The following MYBPC1 variants were observed in gnomAD, a reference collection of about 807,000 sequenced individuals.
MYBPC1 encodes the protein myosin-binding protein C, slow-type.
Under a neutral mutation model 147.1 loss-of-function variants are expected in MYBPC1, and 52 were observed. The ratio of observed to expected loss-of-function variants is 0.35; its 90% CI spans 0.28 to 0.45. The LOEUF is 0.45. MYBPC1 is among the 20% of genes least tolerant of loss of function. MYBPC1 has a pLI of 1.00. For missense variants in MYBPC1, 1,228 were observed against 1,440.3 expected (o/e 0.85, Z 2.39); for synonymous variants, 477 against 475.9 (o/e 1.00, Z -0.03).
At chr12:101,650,073 C>T (rs147095210) in intron 15 of MYBPC1, among the ~76,000 whole-genome samples, 2 of 152,318 alleles carry the variant, frequency 1.3e-5, no homozygotes, top group East Asian at 3.9e-4. Context: ...AATCCCAATA[C>T]ATTCCTTATG....
In MYBPC1 at chr12:101,649,271, G is replaced by C. The variant is rs1281280904; in HGVS notation, c.1208G>C (p.Gly403Ala). ...TTATCTTAATTCAGGTTTAAGAATG[G>C]TGAAGAGATTATCCCTGGTCCAAAA... ...DDANVKWFKN[G>A]EEIIPGPKSR... is the part of the protein sequence containing the mutation. Residue 403 changes from glycine (G) to alanine (A), a missense_variant, in exon 15 of 32, where the codon GGT (glycine) becomes GCT (alanine). Physicochemically the swap from Gly to Ala is moderately conservative, Grantham distance 60. Coordinates refer to ENST00000361466, the MANE Select transcript of MYBPC1 (RefSeq NM_002465.4). 1 of 1,613,296 alleles carries C rather than the reference G, an allele frequency of 6.2e-7. No homozygotes were observed. Among genetic ancestry groups the C allele is most frequent in the Non-Finnish European group, 8.5e-7 (1 of 1,179,352 alleles).
chr12:101,669,964 AG>A, intron 23 of MYBPC1: 1 of 363,982 alleles, frequency 2.7e-6, no homozygotes, highest in Non-Finnish European at 5.1e-6. Context: ...AACTATGAAA[AG>A]TATGCATAGT....
chr12:101,682,143 C>G (rs926177567), intron 29 of MYBPC1, among the ~76,000 whole-genome samples: 1 of 151,834 alleles, frequency 6.6e-6, no homozygotes, highest in Non-Finnish European at 1.5e-5. Flanking sequence ...AAACTGCTAG[C>G]CTTATTAGTT....
chr12:101,599,605 T>C (rs1040649260), intron 1 of MYBPC1, among the ~76,000 whole-genome samples: 1 of 152,210 alleles, frequency 6.6e-6, no homozygotes, highest in African/African-American at 2.4e-5. Flanking sequence ...AATTTGTCTT[T>C]GGAAAGTCAT....
chr12:101,648,667 T>C (rs1301464700), intron 14 of MYBPC1, among the ~76,000 whole-genome samples: 1 of 152,200 alleles, frequency 6.6e-6, no homozygotes, highest in Non-Finnish European at 1.5e-5. Flanking sequence ...ATGTAACCCC[T>C]AGTCACTTTA....
chr12:101,614,544 A>G lies in MYBPC1; in HGVS notation c.61+13A>G. ...CCACCCCCGGAAGGTGAGTAAAAACACTCACTCACACACGTTTGGGCTGCA... is the reference window on the plus strand; with the variant it reads ...CCACCCCCGGAAGGTGAGTAAAAACGCTCACTCACACACGTTTGGGCTGCA... On this transcript the variant is annotated intron_variant, in intron 2 of 31. Coordinates refer to ENST00000361466, the MANE Select transcript of MYBPC1 (RefSeq NM_002465.4). 1.9e-6 allele frequency: 3 copies of G among 1,612,930 alleles called. No homozygotes were observed. Among genetic ancestry groups the G allele is most frequent in the Non-Finnish European group, 2.5e-6 (3 of 1,179,648 alleles).
At chr12:101,605,811 G>T (rs370093536) in intron 1 of MYBPC1, among the ~76,000 whole-genome samples, 2 of 152,034 alleles carry the variant, frequency 1.3e-5, no homozygotes, top group African/African-American at 2.4e-5. Context: ...GTACTGAGCC[G>T]AGATCATGCC....
At chr12:101,628,973 GAC>G in intron 5 of MYBPC1, 2 of 225,388 alleles carry the variant, frequency 8.9e-6, no homozygotes, top group South Asian at 7.3e-5. Flanking sequence ...TTGGCTTTCT[GAC>G]CCTTGTCAGA....
intron 18 of MYBPC1, among the ~76,000 whole-genome samples, chr12:101,654,037 C>G (rs1213524958): frequency 1.3e-5 from 2 of 152,102 alleles, no homozygotes; most frequent in Non-Finnish European, 1.5e-5. Flanking sequence ...AACCCCATCT[C>G]TACTAAAAAT....
chr12:101,596,942 T>A (rs906538439), intron 1 of MYBPC1, among the ~76,000 whole-genome samples: 1 of 152,204 alleles, frequency 6.6e-6, no homozygotes, highest in Non-Finnish European at 1.5e-5. Flanking sequence ...ATGATGGGGA[T>A]TGGGGCAAGA....
At chr12:101,639,588 A>T (rs1891633933) in intron 10 of MYBPC1, among the ~76,000 whole-genome samples, 1 of 152,194 alleles carries the variant, frequency 6.6e-6, no homozygotes, top group South Asian at 2.1e-4. Context: ...ATGTGATAAG[A>T]GTGGAGAGTA....
intron 26 of MYBPC1, among the ~76,000 whole-genome samples, chr12:101,675,918 A>G (rs1020921464): frequency 6.6e-6 from 1 of 152,250 alleles, no homozygotes; most frequent in Non-Finnish European, 1.5e-5. Flanking sequence ...GTTAGAACAG[A>G]AAGATTCTAC....
chr12:101,611,210 A>T (rs759137696), intron 1 of MYBPC1, among the ~76,000 whole-genome samples: 1 of 152,228 alleles, frequency 6.6e-6, no homozygotes. Context: ...CTAATATCCT[A>T]TAATGTTTCT....
At chr12:101,637,470 T>C (rs1891229379) in intron 10 of MYBPC1, among the ~76,000 whole-genome samples, 1 of 152,114 alleles carries the variant, frequency 6.6e-6, no homozygotes, top group African/African-American at 2.4e-5. Flanking sequence ...ATATACTATA[T>C]TATATGCCTG....
intron 7 of MYBPC1, 38 bp downstream of exon 7, chr12:101,631,757 C>A: frequency 6.2e-7 from 1 of 1,612,880 alleles, no homozygotes; most frequent in Non-Finnish European, 8.5e-7. Context: ...GCTCAGCTAG[C>A]GCATTCCTTC....
chr12:101,631,898 A>G (rs956308025), intron 7 of MYBPC1, 123 bp from the exon 8 acceptor site: 2 of 1,274,456 alleles, frequency 1.6e-6, no homozygotes, highest in Non-Finnish European at 1.1e-6. Flanking sequence ...TACAGGACAC[A>G]TTTGCCCTCC....
At chr12:101,619,066 C>T (rs1886806687) in intron 3 of MYBPC1, among the ~76,000 whole-genome samples, 2 of 151,922 alleles carry the variant, frequency 1.3e-5, no homozygotes, top group African/African-American at 4.8e-5. Context: ...AGAGAAAATA[C>T]CTATGCAAAA....
Position 101,636,722 on chromosome 12 carries a change from A to G in MYBPC1, c.659A>G (p.Lys220Arg), listed in dbSNP as rs1443926749. ...GAACTTGACTTTAGTGGTCTCCTGAAACGTAGGTGAGAACAAAGTGATGGA... is the reference window on the plus strand; with the variant it reads ...GAACTTGACTTTAGTGGTCTCCTGAGACGTAGGTGAGAACAAAGTGATGGA... ...AGELDFSGLL[K>R]RREVKQQEEE... The change falls in exon 10 of 32, where the codon AAA becomes AGA. Residue 220 changes from lysine to arginine, a missense_variant. Physicochemically the swap from Lys to Arg is conservative, Grantham distance 26. Coordinates refer to ENST00000361466, the MANE Select transcript of MYBPC1 (RefSeq NM_002465.4). 1 of 1,613,382 alleles carries G rather than the reference A, an allele frequency of 6.2e-7. No homozygotes were observed. Among genetic ancestry groups the G allele is most frequent in the Admixed American group, 1.7e-5 (1 of 59,986 alleles).
intron 23 of MYBPC1, chr12:101,670,092 G>A (rs1412924947): frequency 1.2e-5 from 7 of 594,104 alleles, no homozygotes; most frequent in Admixed American, 2.8e-5. Context: ...ATTTTGCTGA[G>A]TCAAACTGTT....
Sources: allele counts gnomAD v4.1 joint callset (sites outside exome capture counted in the v4.1 genomes callset), GRCh38; gene constraint gnomAD v4.1.1; transcripts MANE v1.5; gene names NCBI Gene and HGNC (gene_info 2026-07-23, HGNC 2026-07-21).